C16orf46: variants seen among roughly 807,000 people sequenced by gnomAD.
C16orf46 encodes chromosome 16 open reading frame 46, also known as uncharacterized protein C16orf46.
In C16orf46, 7 loss-of-function variants were observed where a neutral mutation model predicts 5.5. The observed-to-expected ratio is 1.28, with a 90% CI of 0.73 to 2.40. C16orf46 has a LOEUF of 2.40. Ranked by LOEUF, C16orf46 falls within the 30% of genes most tolerant of loss-of-function variation. The pLI is 0.00. For synonymous variants in C16orf46, 200 were observed against 184.1 expected, an observed-to-expected ratio of 1.09 and a Z score of -0.70; for missense variants, 614 against 476.0, an observed-to-expected ratio of 1.29 and a Z score of -2.70.
At chr16:81,062,713 C>T (rs1161504596) in intron 3 of C16orf46, among the ~76,000 whole-genome samples, 1 of 151,878 alleles carries the variant, frequency 6.6e-6, no homozygotes, top group East Asian at 1.9e-4. Flanking sequence ...CCATACACGC[C>T]CAGAGTCCTC....
Position 81,061,592 on chromosome 16 carries a change from A to G in C16orf46, c.757T>C (p.Tyr253His). ...TTCCCATCTGCTGTTTTCAAGCCAT[A>G]TGCATAAGCCACACACCCATCCTTT... ...VEKDGCVAYAYGLKTADGKGE... is the reference protein window; with the variant it reads ...VEKDGCVAYAHGLKTADGKGE... The change falls in exon 4 of 4, where the codon TAT becomes CAT. Residue 253 changes from tyrosine (Y) to histidine (H), a missense_variant. Coordinates refer to ENST00000299578, the MANE Select transcript of C16orf46 (RefSeq NM_152337.3). 3 of 1,614,182 alleles carry G rather than the reference A, an allele frequency of 1.9e-6. No homozygotes were observed. Among genetic ancestry groups the G allele is most frequent in the African/African-American group, 1.3e-5 (1 of 75,054 alleles).
intron 1 of C16orf46, among the ~76,000 whole-genome samples, chr16:81,066,894 T>C (rs947340703): frequency 6.6e-6 from 1 of 152,172 alleles, no homozygotes; most frequent in African/African-American, 2.4e-5. Flanking sequence ...TGGAGACGCA[T>C]TTGCAGATGC....
downstream of C16orf46, among the ~76,000 whole-genome samples, chr16:81,059,341 A>AAAAAC: frequency 6.6e-6 from 1 of 151,510 alleles, no homozygotes; most frequent in East Asian, 1.9e-4. Flanking sequence ...AAAAAAAAAA[A>AAAAAC]ACCCTAGGCA....
In C16orf46 at chr16:81,061,039, G is replaced by T; in HGVS notation, c.*122C>A. 1.4e-6 allele frequency: 2 copies of T among 1,398,312 alleles called. No individual in the cohort carries two copies. The highest frequency in any genetic ancestry group is 9.4e-7 in the Non-Finnish European group (1 of 1,063,196). The allele number at this position is 1,398,312 out of a possible 1,614,324, so 86.6% of individuals were successfully genotyped here. On this transcript the variant is annotated 3_prime_UTR_variant, in exon 4 of 4. Transcript: ENST00000299578. ...AAAAATGGAGGAAAAGAAGAGTAAA[G>T]ACAGACTGACGGGGAGGAGAGAAAG... is the stretch of plus-strand genomic sequence containing the variant.
Position 81,074,416 on chromosome 16 carries a change from C to G in C16orf46, c.-128+2720G>C, listed in dbSNP as rs148850275. Among the ~76,000 whole-genome samples the G allele has an allele frequency of 5.1e-3, 770 of 151,846 alleles. 9 individuals carry two copies. Among genetic ancestry groups the G allele is most frequent in the African/African-American group, 0.018 (744 of 41,432 alleles). ...TTTCTTTTTTTTTTAGACAGAGTCT[C>G]GCTCTGTTGCCAGGCTGGAGTACAG... On this transcript the variant is annotated intron_variant, in intron 1 of 3. Coordinates refer to ENST00000299578, the MANE Select transcript of C16orf46 (RefSeq NM_152337.3).
intron 3 of C16orf46, 75 bp from the exon 4 acceptor site, chr16:81,062,213 C>G: frequency 2.3e-6 from 3 of 1,329,726 alleles, no homozygotes; most frequent in Non-Finnish European, 3.0e-6. Flanking sequence ...GGCCACATTC[C>G]CATTTTGGCA....
In C16orf46 at chr16:81,063,813, CT is replaced by C. The variant is rs1238261419; in HGVS notation, c.142del (p.Ser48ValfsTer47). 2 of 1,613,992 alleles carry C rather than the reference CT, an allele frequency of 1.2e-6. No homozygotes were observed. The highest frequency in any genetic ancestry group is 2.7e-5 in the African/African-American group (2 of 74,928). On this transcript the variant is annotated frameshift_variant, in exon 3 of 4. Coordinates refer to ENST00000299578, the MANE Select transcript of C16orf46 (RefSeq NM_152337.3). LOFTEE classifies it high-confidence loss of function. ...KNHVYCLLDV[S>X]DITLEQDEKA... Reference sequence around the variant, plus strand: ...TTCATCTTGTTCAAGCGTAATGTCACTGACATCGAGAAGACAATAAACATGA... The same window carrying C: ...TTCATCTTGTTCAAGCGTAATGTCACGACATCGAGAAGACAATAAACATGA...
At chr16:81,070,970 A>T (rs1314199454) in intron 1 of C16orf46, among the ~76,000 whole-genome samples, 1 of 152,160 alleles carries the variant, frequency 6.6e-6, no homozygotes. Flanking sequence ...TCTGTATGGG[A>T]GAATTATCAA....
At chr16:81,067,832 T>C (rs1971700416) in intron 1 of C16orf46, among the ~76,000 whole-genome samples, 1 of 152,268 alleles carries the variant, frequency 6.6e-6, no homozygotes, top group Admixed American at 6.5e-5. Context: ...AATGTATCAA[T>C]GAACAGATAA....
exon 4 of C16orf46, chr16:81,053,985 T>C: frequency 7.0e-7 from 1 of 1,425,890 alleles, no homozygotes; most frequent in Non-Finnish European, 9.9e-7. Context: ...CCGCCGCTTT[T>C]CCATGTCCTG....
intron 3 of C16orf46, among the ~76,000 whole-genome samples, chr16:81,055,029 T>TA (rs1161238303): frequency 3.9e-5 from 6 of 152,234 alleles, no homozygotes. Flanking sequence ...TCTTCAGAGT[T>TA]AAAGTTCTCT....
At chr16:81,065,727 T>C (rs898225426) in intron 2 of C16orf46, among the ~76,000 whole-genome samples, 1 of 152,202 alleles carries the variant, frequency 6.6e-6, no homozygotes, top group African/African-American at 2.4e-5. Context: ...ACTAGTTTTT[T>C]TCATTTTTTG....
intron 1 of C16orf46, among the ~76,000 whole-genome samples, chr16:81,068,087 T>C (rs1431148327): frequency 6.6e-6 from 1 of 152,248 alleles, no homozygotes; most frequent in Admixed American, 6.5e-5. Context: ...CATTACTATT[T>C]GGATCTGTGA....
At chr16:81,067,869 G>A (rs1269551744) in intron 1 of C16orf46, among the ~76,000 whole-genome samples, 3 of 152,044 alleles carry the variant, frequency 2.0e-5, no homozygotes, top group African/African-American at 7.2e-5. Flanking sequence ...TTAAGTTGCA[G>A]TAAAGACCTT....
At chr16:81,055,363 A>C (rs1971263999) in intron 3 of C16orf46, 1 of 152,156 alleles carries the variant, frequency 6.6e-6, no homozygotes, top group Non-Finnish European at 1.5e-5. Flanking sequence ...AAAAAACTAT[A>C]TTACATTTTC....
chr16:81,060,815 G>T (rs1971439059), downstream of C16orf46: 2 of 271,656 alleles, frequency 7.4e-6, no homozygotes, highest in East Asian at 9.4e-5. Context: ...AGGGAAGGAG[G>T]CCCTTTGGAT....
intron 1 of C16orf46, among the ~76,000 whole-genome samples, chr16:81,074,922 G>A (rs530709543): frequency 1.2e-4 from 19 of 152,086 alleles, no homozygotes; most frequent in South Asian, 6.2e-4. Flanking sequence ...TAGACAGTTC[G>A]CAACCTAACT....
chr16:81,069,079 A>T (rs1971754862), intron 1 of C16orf46, among the ~76,000 whole-genome samples: 1 of 152,184 alleles, frequency 6.6e-6, no homozygotes. Flanking sequence ...AAATGGACTT[A>T]TAAAAAAATA....
intron 2 of C16orf46, among the ~76,000 whole-genome samples, chr16:81,065,903 G>A (rs749911658): frequency 5.9e-5 from 9 of 151,666 alleles, no homozygotes; most frequent in African/African-American, 9.7e-5. Context: ...GCAGTGGTGC[G>A]ATCTTAGCTC....
Sources: gnomAD v4.1 joint callset for allele counts (sites outside exome capture counted in the v4.1 genomes callset) on GRCh38, gnomAD v4.1.1 for gene constraint, MANE v1.5 for transcripts, NCBI Gene and HGNC (gene_info 2026-07-23, HGNC 2026-07-21) for gene names.